Variants in MYO1D observed in about 807,000 individuals in gnomAD.
The protein encoded by MYO1D is unconventional myosin-Id.
In MYO1D, 83 loss-of-function variants were observed where a neutral mutation model predicts 122.0. That is an observed-to-expected ratio of 0.68 (90% CI 0.57 to 0.82). The LOEUF (loss-of-function observed/expected upper bound fraction) is 0.82, where lower values mean the gene tolerates loss of function less well. Ranked by LOEUF, MYO1D falls within the 40% of genes least tolerant of loss-of-function variation. The pLI, the probability that MYO1D is intolerant of heterozygous loss-of-function variation, is 0.00. For synonymous variants in MYO1D, 464 were observed against 446.9 expected (o/e 1.04, Z -0.48); for missense variants, 1,157 against 1,269.5 (o/e 0.91, Z 1.35).
intron 3 of MYO1D, among the ~76,000 whole-genome samples, chr17:32,777,439 A>G (rs1312626718): frequency 1.3e-5 from 2 of 152,120 alleles, no homozygotes; most frequent in African/African-American, 2.4e-5. Flanking sequence ...CCAATTAGGA[A>G]AACAGTTTCT....
intron 1 of MYO1D, among the ~76,000 whole-genome samples, chr17:32,822,210 TC>T (rs2090672156): frequency 6.6e-6 from 1 of 152,164 alleles, no homozygotes; most frequent in African/African-American, 2.4e-5. Flanking sequence ...AAGGATGAGT[TC>T]ATGTCCTTTG....
intron 8 of MYO1D, among the ~76,000 whole-genome samples, chr17:32,763,093 G>A (rs1283423088): frequency 1.6e-5 from 2 of 125,448 alleles, no homozygotes; most frequent in Admixed American, 7.9e-5. Flanking sequence ...GGCTGAGGCA[G>A]GAGAATGGCA....
At chr17:32,673,812 T>G (rs1400898333) in intron 16 of MYO1D, among the ~76,000 whole-genome samples, 2 of 152,266 alleles carry the variant, frequency 1.3e-5, no homozygotes, top group African/African-American at 2.4e-5. Context: ...TTAATTGTTT[T>G]GGGGTAACTG....
At chr17:32,756,091 C>G (rs1311767691) in intron 10 of MYO1D, 1 of 208,730 alleles carries the variant, frequency 4.8e-6, no homozygotes, top group African/African-American at 2.3e-5. Flanking sequence ...AGTTAAGGTA[C>G]TACACAAAAC....
chr17:32,601,127 T>G (rs2087557662), intron 21 of MYO1D, among the ~76,000 whole-genome samples: 1 of 151,880 alleles, frequency 6.6e-6, no homozygotes, highest in Admixed American at 6.6e-5. Flanking sequence ...AGAGATGGAG[T>G]CTCACTATGT....
chr17:32,836,882 G>A lies in MYO1D; in HGVS notation c.95+39896C>T, dbSNP rs189554495. On this transcript the variant is annotated intron_variant, in intron 1 of 21. Transcript: ENST00000318217. ...CTTTTAAAAGTCTCTTGGTAGACAT[G>A]AATTCTTCTCCTGAGTATATACCTA... is the stretch of plus-strand genomic sequence containing the variant. Among the ~76,000 whole-genome samples, 368 of 152,190 alleles carry A rather than the reference G, an allele frequency of 2.4e-3. 3 individuals carry two copies. Among genetic ancestry groups the A allele is most frequent in the African/African-American group, 8.5e-3 (355 of 41,528 alleles).
At chr17:32,500,337 G>C (rs1359350277) in intron 21 of MYO1D, among the ~76,000 whole-genome samples, 1 of 152,220 alleles carries the variant, frequency 6.6e-6, no homozygotes, top group Non-Finnish European at 1.5e-5. Context: ...GAGCCTCCTG[G>C]GATGGAGACT....
chr17:32,705,103 A>T (rs1479782516), intron 16 of MYO1D, among the ~76,000 whole-genome samples: 1 of 151,786 alleles, frequency 6.6e-6, no homozygotes, highest in Non-Finnish European at 1.5e-5. Context: ...GTTGACCCTT[A>T]AACAGCACAG....
chr17:32,506,463 C>T (rs905648393), intron 21 of MYO1D, among the ~76,000 whole-genome samples: 1 of 151,984 alleles, frequency 6.6e-6, no homozygotes, highest in Non-Finnish European at 1.5e-5. Context: ...TAATGGGAAA[C>T]AGATACAGTA....
At chr17:32,501,724 C>T (rs1909325969) in intron 21 of MYO1D, among the ~76,000 whole-genome samples, 1 of 152,248 alleles carries the variant, frequency 6.6e-6, no homozygotes. Context: ...GACCCTTCCA[C>T]ACCTTGCCCT....
rs560953120 is a variant in MYO1D at position 32,864,007 on chromosome 17, C to CTTTTTTTTTTTTTT, written c.95+12757_95+12770dup. Among the ~76,000 whole-genome samples the CTTTTTTTTTTTTTT allele has an allele frequency of 1.6e-3, 80 of 48,976 alleles. 27 individuals are homozygous for CTTTTTTTTTTTTTT. The highest frequency in any genetic ancestry group is 0.015 in the East Asian group (11 of 750). 32.1% of individuals were successfully genotyped at this position (48,976 alleles called of 152,430 possible). The stretch of plus-strand genomic sequence containing the variant: ...TAATTTTGGTTACAAACATTTCTTC[C>CTTTTTTTTTTTTTT]TTTTTTTTTTTTTTTTTTTTTTTTT... On this transcript the variant is annotated intron_variant, in intron 1 of 21. Transcript: ENST00000318217.
At chr17:32,659,022 G>T in intron 17 of MYO1D, 93 bp downstream of exon 17, 2 of 1,186,364 alleles carry the variant, frequency 1.7e-6, no homozygotes, top group Non-Finnish European at 2.4e-6. Context: ...ACAGCAAATA[G>T]CTGAGTCAAT....
intron 12 of MYO1D, among the ~76,000 whole-genome samples, chr17:32,748,430 T>G (rs1157767209): frequency 6.6e-6 from 1 of 152,066 alleles, no homozygotes; most frequent in African/African-American, 2.4e-5. Context: ...AGGACTCAAT[T>G]TGGATACCAC....
At chr17:32,744,577 A>C (rs559560315) in intron 13 of MYO1D, among the ~76,000 whole-genome samples, 2 of 152,340 alleles carry the variant, frequency 1.3e-5, no homozygotes, top group African/African-American at 4.8e-5. Context: ...AGCACTGACT[A>C]AGCAGACTTA....
chr17:32,680,928 A>C (rs1013728016), intron 16 of MYO1D, among the ~76,000 whole-genome samples: 104 of 152,206 alleles, frequency 6.8e-4, no homozygotes, highest in African/African-American at 2.0e-3. Flanking sequence ...ACAATTTCAG[A>C]TCCTGTTACT....
intron 1 of MYO1D, among the ~76,000 whole-genome samples, chr17:32,799,457 G>T (rs1225154966): frequency 6.6e-6 from 1 of 152,030 alleles, no homozygotes; most frequent in Admixed American, 6.6e-5. Context: ...TCAATAAATG[G>T]TGTTAGGAAA....
chr17:32,515,251 G>A (rs1233104856), intron 21 of MYO1D, among the ~76,000 whole-genome samples: 1 of 152,104 alleles, frequency 6.6e-6, no homozygotes, highest in African/African-American at 2.4e-5. Flanking sequence ...ACCTTCCAGG[G>A]CAAAAAGGCT....
At chr17:32,686,964 A>AACAC (rs57125657) in intron 16 of MYO1D, among the ~76,000 whole-genome samples, 8,749 of 145,324 alleles carry the variant, frequency 0.06, 295 homozygotes, top group East Asian at 0.15. Flanking sequence ...CCTGTTTCAA[A>AACAC]ACACACACAC....
intron 20 of MYO1D, among the ~76,000 whole-genome samples, chr17:32,638,331 A>C (rs1163345424): frequency 1.3e-5 from 2 of 152,246 alleles, no homozygotes; most frequent in African/African-American, 4.8e-5. Flanking sequence ...TTCTGGAAGC[A>C]GCATAAATTT....
Sources: gnomAD v4.1 joint callset for allele counts (sites outside exome capture counted in the v4.1 genomes callset) on GRCh38, gnomAD v4.1.1 for gene constraint, MANE v1.5 for transcripts, NCBI Gene and HGNC (gene_info 2026-07-23, HGNC 2026-07-21) for gene names.